Variants in LHFPL6 observed in about 807,000 individuals in gnomAD.
LHFPL6 encodes the protein LHFPL tetraspan subfamily member 6.
A neutral mutation model predicts 20.6 loss-of-function variants in LHFPL6; 9 were observed. That is an observed-to-expected ratio of 0.44 (90% confidence interval 0.26 to 0.76). The LOEUF is 0.76. Among genes scored for constraint, LHFPL6 ranks in the 30% least tolerant of loss-of-function variants. The pLI, the probability that LHFPL6 is intolerant of heterozygous loss-of-function variation, is 0.20. For synonymous variants in LHFPL6, 105 were observed against 98.7 expected, an observed-to-expected ratio of 1.06 and a Z score of -0.38; for missense variants, 218 against 253.5, an observed-to-expected ratio of 0.86 and a Z score of 0.95.
intron 2 of LHFPL6, among the ~76,000 whole-genome samples, chr13:39,418,121 T>C (rs568968142): frequency 2.0e-4 from 30 of 152,268 alleles, no homozygotes; most frequent in African/African-American, 6.5e-4. Context: ...CCTGTCCTGG[T>C]AAAATAAATG....
At chr13:39,508,588 ACT>A (rs1170022963) in intron 2 of LHFPL6, among the ~76,000 whole-genome samples, 1 of 152,046 alleles carries the variant, frequency 6.6e-6, no homozygotes, top group Non-Finnish European at 1.5e-5. Context: ...TACAGTATGT[ACT>A]CTTTTTGTTT....
intron 2 of LHFPL6, among the ~76,000 whole-genome samples, chr13:39,458,936 C>T (rs1872630835): frequency 6.6e-6 from 1 of 151,888 alleles, no homozygotes. Context: ...CACTTTTTTT[C>T]CTTCTATGAA....
intron 2 of LHFPL6, among the ~76,000 whole-genome samples, chr13:39,566,670 C>T (rs766270895): frequency 1.4e-5 from 2 of 138,454 alleles, no homozygotes; most frequent in South Asian, 2.3e-4. Context: ...GAAGTCCAGG[C>T]TGCAGTGAGC....
chr13:39,389,010 T>C (rs1196221580), intron 2 of LHFPL6, among the ~76,000 whole-genome samples: 1 of 152,168 alleles, frequency 6.6e-6, no homozygotes, highest in Non-Finnish European at 1.5e-5. Flanking sequence ...GGGACATTTG[T>C]GATGGGATTG....
At position 39,343,729 on chromosome 13, in the gene LHFPL6, T is replaced by G; in HGVS notation, c.*207A>C. The G allele has an allele frequency of 2.0e-6, 1 of 490,400 alleles. No homozygotes were observed. The highest frequency in any genetic ancestry group is 3.6e-6 in the Non-Finnish European group (1 of 276,250). 30.4% of individuals were successfully genotyped at this position (490,400 alleles called of 1,614,324 possible). On this transcript the variant is annotated 3_prime_UTR_variant, in exon 4 of 4. Transcript: ENST00000379589. The stretch of plus-strand genomic sequence containing the variant: ...TTAGCCTTTGGTCCATTTTTCTCCA[T>G]CATTCTATACTCTCCTTTTTTTTCC...
intron 2 of LHFPL6, 81 bp downstream of exon 2, chr13:39,600,751 A>AC: frequency 7.6e-7 from 1 of 1,319,888 alleles, no homozygotes; most frequent in South Asian, 2.3e-5. Flanking sequence ...ATTTATAATA[A>AC]TCTCAGTAGA....
rs142449378 is a variant in LHFPL6, at chr13:39,486,026, C to T, written c.386-107500G>A. 2.7e-3 allele frequency among the ~76,000 whole-genome samples: 409 copies of T among 152,254 alleles called. 2 individuals are homozygous for T. Among genetic ancestry groups the T allele is most frequent in the African/African-American group, 9.4e-3 (389 of 41,568 alleles). On this transcript the variant is annotated intron_variant, in intron 2 of 3. Coordinates refer to ENST00000379589, the MANE Select transcript of LHFPL6 (RefSeq NM_005780.3). ...GAATCCAAGGCTCAAGGGTAAATAA[C>T]CTGCTCAGGGCCACAAAGTCTGCTG...
At chr13:39,565,255 T>C (rs909490254) in intron 2 of LHFPL6, among the ~76,000 whole-genome samples, 1 of 137,402 alleles carries the variant, frequency 7.3e-6, no homozygotes, top group South Asian at 2.5e-4. Flanking sequence ...CATAGAATGA[T>C]AGTGTACCCT....
chr13:39,575,487 A>G (rs1041604959), intron 2 of LHFPL6, among the ~76,000 whole-genome samples: 2 of 152,242 alleles, frequency 1.3e-5, no homozygotes, highest in Admixed American at 1.3e-4. Flanking sequence ...CATTTTAGTC[A>G]CAACTCCTTG....
intron 3 of LHFPL6, among the ~76,000 whole-genome samples, chr13:39,359,703 A>G (rs1314969625): frequency 6.6e-6 from 1 of 152,190 alleles, no homozygotes; most frequent in African/African-American, 2.4e-5. Flanking sequence ...GACGGATTCA[A>G]TCATACTCCA....
In LHFPL6 at chr13:39,387,392, C is replaced by A. The variant is rs1870590338; in HGVS notation, c.386-8866G>T. Among the ~76,000 whole-genome samples the A allele has an allele frequency of 2.6e-5, 4 of 151,520 alleles. No homozygotes were observed. In the South Asian group the frequency reaches 8.4e-4, roughly 32 times the overall value. ...TGAAACTCCATCTCTACTAAAAATA[C>A]AAAAATTAGCTGGGCATGGTGGTGC... On this transcript the variant is annotated intron_variant, in intron 2 of 3. Transcript: ENST00000379589.
At chr13:39,552,754 C>T (rs1226388226) in intron 2 of LHFPL6, among the ~76,000 whole-genome samples, 1 of 152,246 alleles carries the variant, frequency 6.6e-6, no homozygotes, top group Admixed American at 6.5e-5. Context: ...GCCCATGAAG[C>T]TTCTGAAGTG....
At chr13:39,595,019 A>C (rs1369976463) in intron 2 of LHFPL6, among the ~76,000 whole-genome samples, 32 of 152,188 alleles carry the variant, frequency 2.1e-4, no homozygotes, top group Admixed American at 2.1e-3. Context: ...CTAATGTTAA[A>C]TGACGAGTTA....
chr13:39,572,294 G>C (rs1380963233), intron 2 of LHFPL6, among the ~76,000 whole-genome samples: 113 of 115,198 alleles, frequency 9.8e-4, no homozygotes, highest in African/African-American at 5.6e-3. Flanking sequence ...AACTCTGTGT[G>C]TGTGTGTGTG....
intron 2 of LHFPL6, among the ~76,000 whole-genome samples, chr13:39,558,831 T>C (rs1871386778): frequency 6.6e-6 from 1 of 152,248 alleles, no homozygotes; most frequent in Non-Finnish European, 1.5e-5. Context: ...CTTTCCAATC[T>C]TTAAATACCA....
chr13:39,376,657 A>T lies in LHFPL6; in HGVS notation c.484+1771T>A, dbSNP rs181184621. Among the ~76,000 whole-genome samples, 11 of 152,078 alleles carry T rather than the reference A, an allele frequency of 7.2e-5. No individual in the cohort carries two copies. The East Asian group carries it at 1.9e-3, about 27-fold the overall frequency. On this transcript the variant is annotated intron_variant, in intron 3 of 3. Transcript: ENST00000379589. The stretch of plus-strand genomic sequence containing the variant: ...AATCTAACAGAATTTTTTTTCATAG[A>T]TGTTCTAACATAAAAATTTAAAATT...
chr13:39,530,204 C>T (rs1870420427), intron 2 of LHFPL6, among the ~76,000 whole-genome samples: 1 of 150,882 alleles, frequency 6.6e-6, no homozygotes, highest in African/African-American at 2.4e-5. Context: ...ATCCCTTGAG[C>T]CCAGGGACAA....
intron 3 of LHFPL6, among the ~76,000 whole-genome samples, chr13:39,348,085 T>C (rs763540921): frequency 1.9e-4 from 29 of 152,200 alleles, no homozygotes; most frequent in Non-Finnish European, 3.1e-4. Flanking sequence ...CAGAGGACAA[T>C]GAGAGAGAGG....
At chr13:39,595,555 A>G (rs1025227208) in intron 2 of LHFPL6, among the ~76,000 whole-genome samples, 12 of 152,190 alleles carry the variant, frequency 7.9e-5, no homozygotes, top group African/African-American at 2.7e-4. Context: ...GGCCTCCCAA[A>G]GTGCTGGGAT....
Sources: gnomAD v4.1 joint callset for allele counts (sites outside exome capture counted in the v4.1 genomes callset) on GRCh38, gnomAD v4.1.1 for gene constraint, MANE v1.5 for transcripts, NCBI Gene and HGNC (gene_info 2026-07-23, HGNC 2026-07-21) for gene names.